WT1: variants seen among roughly 807,000 people sequenced by gnomAD.
WT1 encodes the protein WT1 transcription factor, also known as Wilms tumor protein.
Under a neutral mutation model 60.8 loss-of-function variants are expected in WT1, and 8 were observed. The ratio of observed to expected loss-of-function variants is 0.13; its 90% CI spans 0.08 to 0.24. The LOEUF (loss-of-function observed/expected upper bound fraction) is 0.24, where lower values mean the gene tolerates loss of function less well. WT1 is among the 10% of genes least tolerant of loss of function. The pLI, the probability that WT1 is intolerant of heterozygous loss-of-function variation, is 1.00. For missense variants in WT1, 568 were observed against 711.8 expected (o/e 0.80, Z 2.30); for synonymous variants, 312 against 297.1 (o/e 1.05, Z -0.52).
In WT1 at chr11:32,435,016, G is replaced by A. The variant is rs1799925; in HGVS notation, c.345C>T (p.Pro115=). The A allele has an allele frequency of 0.17, 251,962 of 1,485,642 alleles. 29,501 individuals are homozygous for A. The highest frequency in any genetic ancestry group is 0.66 in the East Asian group (26,447 of 39,790). 92.0% of individuals were successfully genotyped at this position (1,485,642 alleles called of 1,614,324 possible). ...ACGACCCGTAAGCCGAAGCGCCCGGGGGCGCAAAGTCCAGCACCGGCGCCC... is the reference window on the plus strand; with the variant it reads ...ACGACCCGTAAGCCGAAGCGCCCGGAGGCGCAAAGTCCAGCACCGGCGCCC... The change falls in exon 1 of 10, where the codon CCC becomes CCT. Residue 115 remains proline (P), a synonymous_variant. Transcript: ENST00000452863.
chr11:32,428,349 T>C (rs747903552), intron 2 of WT1, 148 bp downstream of exon 2: 106 of 1,410,086 alleles, frequency 7.5e-5, no homozygotes, highest in Non-Finnish European at 1.0e-4. Context: ...GTCTTGTCCT[T>C]TAAATACAGT....
In WT1 at chr11:32,390,487, C is replaced by A. The variant is rs5030303; in HGVS notation, c.1448-1308G>T. Among the ~76,000 whole-genome samples the A allele has an allele frequency of 2.0e-5, 3 of 152,190 alleles. No individual in the cohort carries two copies. The East Asian group carries it at 5.8e-4, about 29-fold the overall frequency. On this transcript the variant is annotated intron_variant, in intron 9 of 9. Transcript: ENST00000452863. ...GGCACCTGAGGAAGGGAAGCAAGATCCCATCCTGCCAACCATGGGCCACAG... is the reference window on the plus strand; with the variant it reads ...GGCACCTGAGGAAGGGAAGCAAGATACCATCCTGCCAACCATGGGCCACAG...
At chr11:32,400,144 A>C in intron 5 of WT1, 100 bp from the exon 6 acceptor site, 292 of 1,442,968 alleles carry the variant, frequency 2.0e-4, no homozygotes, top group Non-Finnish European at 2.6e-4. Flanking sequence ...TTTAAAGCTC[A>C]CAGAACAAAA....
At chr11:32,421,416 G>A (rs1469293459) in intron 3 of WT1, among the ~76,000 whole-genome samples, 2 of 152,214 alleles carry the variant, frequency 1.3e-5, no homozygotes, top group African/African-American at 2.4e-5. Flanking sequence ...TGCCTGTTCG[G>A]AAGTGAACTT....
intron 1 of WT1, among the ~76,000 whole-genome samples, chr11:32,429,317 A>G (rs1292513034): frequency 6.6e-6 from 1 of 151,946 alleles, no homozygotes; most frequent in East Asian, 1.9e-4. Flanking sequence ...TCCGACCCTG[A>G]CCACTGCTGT....
intron 5 of WT1, among the ~76,000 whole-genome samples, chr11:32,412,216 G>C (rs972143399): frequency 3.3e-5 from 5 of 152,214 alleles, no homozygotes; most frequent in Non-Finnish European, 7.3e-5. Flanking sequence ...ATTTTCTCCA[G>C]ATTCGACAGC....
chr11:32,388,873 G>T lies in WT1; in HGVS notation c.*185C>A. Reference sequence around the variant, plus strand: ...CTGTGAGTCAACTAAAAGTAGGCAGGGCAGAGACCAACTCTTCCAGGCACA... The same window carrying T: ...CTGTGAGTCAACTAAAAGTAGGCAGTGCAGAGACCAACTCTTCCAGGCACA... On this transcript the variant is annotated 3_prime_UTR_variant, in exon 10 of 10. Coordinates refer to ENST00000452863, the MANE Select transcript of WT1 (RefSeq NM_024426.6). 9.4e-7 allele frequency: 1 copy of T among 1,065,674 alleles called. No individual in the cohort carries two copies. The highest frequency in any genetic ancestry group is 1.3e-6 in the Non-Finnish European group (1 of 746,218). 66.0% of individuals were successfully genotyped at this position (1,065,674 alleles called of 1,614,324 possible). A position where few individuals can be genotyped will look rare whatever the true frequency, so the allele number is the denominator to read the frequency against.
chr11:32,431,009 C>A (rs1014397685), intron 1 of WT1, among the ~76,000 whole-genome samples: 3 of 152,064 alleles, frequency 2.0e-5, no homozygotes, highest in African/African-American at 7.2e-5. Flanking sequence ...GGGAGAGAAT[C>A]GAGTGGCCAA....
chr11:32,434,876 A>G lies in WT1; in HGVS notation c.485T>C (p.Leu162Pro). ...GGAAAAGTGGACAGTGAAGGCGCTC[A>G]GGCACTGCTCCTCGTGCGGCTCCGC... Residue 162 changes from leucine (L) to proline (P), a missense_variant, in exon 1 of 10, where the codon CTG becomes CCG. This residue lies in a region of WT1 where 523 missense variants were observed against 565.1 expected (regional missense o/e 0.93). Coordinates refer to ENST00000452863, the MANE Select transcript of WT1 (RefSeq NM_024426.6). 1.2e-6 allele frequency: 2 copies of G among 1,612,520 alleles called. No individual in the cohort carries two copies. The highest frequency in any genetic ancestry group is 1.7e-6 in the Non-Finnish European group (2 of 1,179,832).
At chr11:32,403,218 A>T (rs902967417) in intron 5 of WT1, among the ~76,000 whole-genome samples, 11 of 152,122 alleles carry the variant, frequency 7.2e-5, no homozygotes, top group African/African-American at 2.7e-4. Flanking sequence ...AAACACACCA[A>T]TGCAATTCCA....
At chr11:32,392,527 G>C in intron 8 of WT1, 139 bp downstream of exon 8, 1 of 857,916 alleles carries the variant, frequency 1.2e-6, no homozygotes, top group Admixed American at 2.0e-5. Context: ...AACATCTCCA[G>C]AGATTATGGG....
rs1411393848 is a variant in WT1, at chr11:32,388,409, T to C, written c.*649A>G. The C allele has an allele frequency of 8.5e-6, 2 of 234,122 alleles. No individual in the cohort carries two copies. The highest frequency in any genetic ancestry group is 1.1e-4 in the Admixed American group (2 of 17,916). 14.5% of individuals were successfully genotyped at this position (234,122 alleles called of 1,614,324 possible). A position where few individuals can be genotyped will look rare whatever the true frequency, so the allele number is the denominator to read the frequency against. The stretch of plus-strand genomic sequence containing the variant: ...TGTTCACATTGAATTAACTGAATGG[T>C]AAAATTCTTTTAGATTTCTATACAG... On this transcript the variant is annotated 3_prime_UTR_variant, in exon 10 of 10. Transcript: ENST00000452863.
chr11:32,430,458 GAGAGAGAGA>G, intron 1 of WT1: 3 of 323,536 alleles, frequency 9.3e-6, no homozygotes, highest in Non-Finnish European at 1.6e-5. Flanking sequence ...GAGGGAGGGA[GAGAGAGAGA>G]GAGAGAGAGA....
intron 6 of WT1, among the ~76,000 whole-genome samples, chr11:32,397,930 C>T (rs924743204): frequency 6.6e-6 from 1 of 152,132 alleles, no homozygotes; most frequent in Non-Finnish European, 1.5e-5. Flanking sequence ...GGCAAGTGAG[C>T]CTGACAAACT....
At chr11:32,412,831 C>G (rs1381726248) in intron 5 of WT1, among the ~76,000 whole-genome samples, 1 of 151,784 alleles carries the variant, frequency 6.6e-6, no homozygotes, top group Non-Finnish European at 1.5e-5. Context: ...ATAAAAGTAG[C>G]TGTGATCCCA....
At chr11:32,427,734 G>GTAA (rs1853103673) in intron 3 of WT1, among the ~76,000 whole-genome samples, 1 of 152,248 alleles carries the variant, frequency 6.6e-6, no homozygotes, top group East Asian at 1.9e-4. Flanking sequence ...GCTCGAAAGA[G>GTAA]TAATTGTCCT....
chr11:32,430,451 G>GGGTAGAGAGA lies in WT1; in HGVS notation c.662-1833_662-1832insTCTCTCTACC, dbSNP rs1366922803. 55 of 923,806 alleles carry GGGTAGAGAGA rather than the reference G, an allele frequency of 6.0e-5. No homozygotes were observed. The African/African-American group carries it at 1.4e-3, about 23-fold the overall frequency. The allele number at this position is 923,806 out of a possible 1,614,324, so 57.2% of individuals were successfully genotyped here. ...CAGACACAGAGAGAGAGAGAGAGAG[G>GGGTAGAGAGA]GAGGGAGAGAGAGAGAGAGAGAGAG... On this transcript the variant is annotated intron_variant, in intron 1 of 9. Transcript: ENST00000452863.
intron 3 of WT1, among the ~76,000 whole-genome samples, chr11:32,427,683 C>T (rs1853101908): frequency 1.3e-5 from 2 of 152,226 alleles, no homozygotes; most frequent in South Asian, 2.1e-4. Flanking sequence ...CAGTAAAGAC[C>T]TTCTAAAAAT....
At chr11:32,425,297 G>T (rs75398068) in intron 3 of WT1, among the ~76,000 whole-genome samples, 7,494 of 151,270 alleles carry the variant, frequency 0.05, 638 homozygotes, top group African/African-American at 0.17. Flanking sequence ...ATACAAGCAA[G>T]CTTTCCCCAG....
Sources: allele counts gnomAD v4.1 joint callset (sites outside exome capture counted in the v4.1 genomes callset), GRCh38; gene constraint gnomAD v4.1.1; regional missense constraint gnomAD v4.1.1; transcripts MANE v1.5; gene names NCBI Gene and HGNC (gene_info 2026-07-23, HGNC 2026-07-21).